WDFY2: variants seen among roughly 807,000 people sequenced by gnomAD.
WDFY2 encodes WD repeat and FYVE domain-containing protein 2.
Under a neutral mutation model 56.4 loss-of-function variants are expected in WDFY2, and 36 were observed. The ratio of observed to expected loss-of-function variants is 0.64; its 90% CI spans 0.49 to 0.84. WDFY2 has a LOEUF of 0.84. Ranked by LOEUF, WDFY2 falls within the 40% of genes least tolerant of loss-of-function variation. WDFY2 has a pLI of 0.00. For missense variants in WDFY2, 444 were observed against 512.2 expected, an observed-to-expected ratio of 0.87 and a Z score of 1.29; for synonymous variants, 176 against 183.7, an observed-to-expected ratio of 0.96 and a Z score of 0.34.
At chr13:51,643,890 A>C (rs1189696186) in intron 1 of WDFY2, among the ~76,000 whole-genome samples, 2 of 152,238 alleles carry the variant, frequency 1.3e-5, no homozygotes, top group East Asian at 3.8e-4. Context: ...TACTCTAAAA[A>C]AACAAAAATG....
chr13:51,675,144 T>A, intron 2 of WDFY2, 26 bp from the exon 3 acceptor site: 1 of 1,608,984 alleles, frequency 6.2e-7, no homozygotes, highest in Middle Eastern at 1.7e-4. Flanking sequence ...TTTTGTTAAT[T>A]TCATCAACAT....
At chr13:51,741,114 C>T (rs1952964721) in intron 7 of WDFY2, among the ~76,000 whole-genome samples, 1 of 152,216 alleles carries the variant, frequency 6.6e-6, no homozygotes, top group Admixed American at 6.5e-5. Flanking sequence ...ACAAATAGCT[C>T]TTCCAGTTTC....
chr13:51,669,309 T>C (rs1235465807), intron 2 of WDFY2, among the ~76,000 whole-genome samples: 1 of 152,240 alleles, frequency 6.6e-6, no homozygotes, highest in East Asian at 1.9e-4. Context: ...CTCAGTGTTA[T>C]GAAAGTGTTT....
chr13:51,660,882 T>C (rs1282620277), intron 2 of WDFY2, among the ~76,000 whole-genome samples: 1 of 152,246 alleles, frequency 6.6e-6, no homozygotes, highest in Non-Finnish European at 1.5e-5. Flanking sequence ...ATAAGATTAA[T>C]GGAAGAAGGA....
intron 1 of WDFY2, among the ~76,000 whole-genome samples, chr13:51,632,006 T>G (rs568444893): frequency 6.6e-6 from 1 of 152,320 alleles, no homozygotes; most frequent in Admixed American, 6.5e-5. Context: ...TTCCCCTGTT[T>G]ATTAATGTAT....
intron 1 of WDFY2, among the ~76,000 whole-genome samples, chr13:51,652,045 C>A (rs193171738): frequency 2.4e-4 from 37 of 152,290 alleles, no homozygotes; most frequent in African/African-American, 8.4e-4. Flanking sequence ...GTCTACATCT[C>A]TCTGTAGGTC....
chr13:51,728,564 C>G (rs1952653845), intron 6 of WDFY2, among the ~76,000 whole-genome samples: 1 of 151,778 alleles, frequency 6.6e-6, no homozygotes, highest in South Asian at 2.1e-4. Flanking sequence ...CAGGAGAATA[C>G]TGAGTTTAGA....
At chr13:51,599,824 G>A (rs548484397) in intron 1 of WDFY2, among the ~76,000 whole-genome samples, 1 of 151,780 alleles carries the variant, frequency 6.6e-6, no homozygotes, top group South Asian at 2.1e-4. Flanking sequence ...ATAATTTTAT[G>A]AAGTACTATT....
intron 8 of WDFY2, 149 bp downstream of exon 8, chr13:51,751,564 T>A (rs1953238509): frequency 1.3e-6 from 1 of 752,644 alleles, no homozygotes; most frequent in African/African-American, 1.8e-5. Flanking sequence ...TGGGTTGTTT[T>A]TTTTTTCCCT....
At chr13:51,675,405 G>A (rs1258214082) in intron 3 of WDFY2, among the ~76,000 whole-genome samples, 162 bp downstream of exon 3, 1 of 152,170 alleles carries the variant, frequency 6.6e-6, no homozygotes, top group Non-Finnish European at 1.5e-5. Flanking sequence ...TTCTAATGTA[G>A]GGAGAGCTAT....
intron 1 of WDFY2, among the ~76,000 whole-genome samples, chr13:51,638,588 T>C (rs1955096890): frequency 6.6e-6 from 1 of 152,162 alleles, no homozygotes; most frequent in South Asian, 2.1e-4. Context: ...TAAAATGAGA[T>C]CAGAGGGTTA....
chr13:51,585,019 G>A (rs985005431), intron 1 of WDFY2, among the ~76,000 whole-genome samples, 195 bp downstream of exon 1: 9 of 152,250 alleles, frequency 5.9e-5, no homozygotes, highest in African/African-American at 2.2e-4. Context: ...AAGCGGAGCC[G>A]GGACGGCGGC....
intron 1 of WDFY2, among the ~76,000 whole-genome samples, chr13:51,637,157 GAGGCCAGCATGTGC>G (rs1196530004): frequency 3.3e-5 from 5 of 152,198 alleles, no homozygotes; most frequent in African/African-American, 1.2e-4. Context: ...GCCTAAGCAG[GAGGCCAGCATGTGC>G]AGGGACATAG....
chr13:51,628,194 G>A (rs1034063889), intron 1 of WDFY2, among the ~76,000 whole-genome samples: 5 of 152,188 alleles, frequency 3.3e-5, no homozygotes, highest in African/African-American at 4.8e-5. Context: ...GCAGTCCTGC[G>A]CTGAGCCGCC....
Position 51,654,554 on chromosome 13 carries a change from T to C in WDFY2, c.138-6042T>C, listed in dbSNP as rs974960547. Among the ~76,000 whole-genome samples, 5 of 151,818 alleles carry C rather than the reference T, an allele frequency of 3.3e-5. No individual in the cohort carries two copies. In the East Asian group the frequency reaches 9.7e-4, roughly 29 times the overall value. On this transcript the variant is annotated intron_variant, in intron 1 of 11. Transcript: ENST00000298125. ...TCGGCCATCTTGGCTCCACCCAGACTTTTTTTCCCCCAATACCCTAACCTC... is the reference window on the plus strand; with the variant it reads ...TCGGCCATCTTGGCTCCACCCAGACCTTTTTTCCCCCAATACCCTAACCTC...
chr13:51,644,866 G>A (rs766662748), intron 1 of WDFY2, among the ~76,000 whole-genome samples: 2 of 152,116 alleles, frequency 1.3e-5, no homozygotes, highest in Non-Finnish European at 2.9e-5. Context: ...TCTTGAAACC[G>A]CTGGCCACCT....
At chr13:51,625,282 G>A (rs1954818417) in intron 1 of WDFY2, among the ~76,000 whole-genome samples, 1 of 152,118 alleles carries the variant, frequency 6.6e-6, no homozygotes. Context: ...ACATCTGATT[G>A]GACAACACTT....
chr13:51,732,557 T>C (rs560963217), intron 6 of WDFY2, among the ~76,000 whole-genome samples: 1 of 152,352 alleles, frequency 6.6e-6, no homozygotes, highest in South Asian at 2.1e-4. Flanking sequence ...GCATACTAAT[T>C]AATGAATAAT....
At chr13:51,739,395 C>T (rs1177599806) in intron 7 of WDFY2, among the ~76,000 whole-genome samples, 1 of 151,078 alleles carries the variant, frequency 6.6e-6, no homozygotes, top group Non-Finnish European at 1.5e-5. Context: ...TTACAAAAAC[C>T]ATAAAATAAA....
Sources: allele counts gnomAD v4.1 joint callset (sites outside exome capture counted in the v4.1 genomes callset), GRCh38; gene constraint gnomAD v4.1.1; transcripts MANE v1.5; gene names NCBI Gene and HGNC (gene_info 2026-07-23, HGNC 2026-07-21).